The following GNPDA2 variants were observed in gnomAD, a reference collection of about 807,000 sequenced individuals.
GNPDA2 encodes the protein glucosamine-6-phosphate deaminase 2.
In GNPDA2, 24 loss-of-function variants were observed where a neutral mutation model predicts 27.0. The observed-to-expected ratio is 0.89, with a 90% CI of 0.64 to 1.25. GNPDA2 has a LOEUF of 1.25. Among genes scored for constraint, GNPDA2 ranks in the 50% most tolerant of loss-of-function variants. The probability of loss-of-function intolerance (pLI) is 0.00; values close to 1 mark genes in which losing one functional copy is unlikely to be tolerated. For missense variants in GNPDA2, 286 were observed against 335.1 expected, an observed-to-expected ratio of 0.85 and a Z score of 1.14; for synonymous variants, 94 against 108.4, an observed-to-expected ratio of 0.87 and a Z score of 0.83.
rs141623025 is a variant in GNPDA2, at chr4:44,713,126, G to A, written c.410-1989C>T. Among the ~76,000 whole-genome samples the A allele has an allele frequency of 2.0e-5, 3 of 152,296 alleles. No individual in the cohort carries two copies. In the East Asian group the frequency reaches 5.8e-4, roughly 29 times the overall value. ...GCTATTCTTTGGTCAGCTCGGTATA[G>A]TTTATTCCACCTCCCACCTTGTTCT... is the stretch of plus-strand genomic sequence containing the variant. On this transcript the variant is annotated intron_variant, in intron 4 of 6. Coordinates refer to ENST00000295448, the MANE Select transcript of GNPDA2 (RefSeq NM_138335.3).
In GNPDA2 at chr4:44,703,695, T is replaced by A. The variant is rs141262161; in HGVS notation, c.770-553A>T. 3,152 of 983,826 alleles carry A rather than the reference T, an allele frequency of 3.2e-3. 6 individuals carry two copies. The highest frequency in any genetic ancestry group is 3.6e-3 in the Non-Finnish European group (3,021 of 828,462). 60.9% of individuals were successfully genotyped at this position (983,826 alleles called of 1,614,324 possible). A position where few individuals can be genotyped will look rare whatever the true frequency, so the allele number is the denominator to read the frequency against. On this transcript the variant is annotated intron_variant, in intron 6 of 6. Coordinates refer to ENST00000295448, the MANE Select transcript of GNPDA2 (RefSeq NM_138335.3). Reference sequence around the variant, plus strand: ...ACAGAAAACAACCTGTATTAAATCATTTAATTCAGAATAGAAATTACGATT... The same window carrying A: ...ACAGAAAACAACCTGTATTAAATCAATTAATTCAGAATAGAAATTACGATT...
intron 1 of GNPDA2, among the ~76,000 whole-genome samples, chr4:44,724,444 A>T (rs939826009): frequency 6.6e-6 from 1 of 152,182 alleles, no homozygotes; most frequent in Non-Finnish European, 1.5e-5. Context: ...CAGTTCTTTG[A>T]GAAATCTTCA....
chr4:44,708,144 G>C (rs1259459721), intron 5 of GNPDA2, among the ~76,000 whole-genome samples: 1 of 151,958 alleles, frequency 6.6e-6, no homozygotes, highest in African/African-American at 2.4e-5. Flanking sequence ...TCTTGTTATG[G>C]GTTATTAATG....
rs75626054 is a variant in GNPDA2 at position 44,721,388 on chromosome 4, G to T, written c.124+696C>A. Among the ~76,000 whole-genome samples the T allele has an allele frequency of 5.3e-3, 803 of 152,164 alleles. 4 individuals are homozygous for T. The highest frequency in any genetic ancestry group is 8.6e-3 in the Non-Finnish European group (587 of 67,998). ...TAGGTAAGGAAACCAAGGCTCAGGG[G>T]TATAGAACAAATGCCTTGTAGTCAA... On this transcript the variant is annotated intron_variant, in intron 2 of 6. Transcript: ENST00000295448.
chr4:44,711,114 C>G lies in GNPDA2; in HGVS notation c.433G>C (p.Ala145Pro). The G allele has an allele frequency of 1.9e-6, 3 of 1,602,042 alleles. No individual in the cohort carries two copies. Among genetic ancestry groups the G allele is most frequent in the Non-Finnish European group, 2.6e-6 (3 of 1,175,272 alleles). Residue 145 changes from alanine (A) to proline (P), a missense_variant, in exon 5 of 7, where the codon GCT (alanine) becomes CCT (proline). Transcript: ENST00000295448. The part of the protein sequence containing the change: ...VGGIGPDGHI[A>P]FNEPGSSLVS... ...AAACTGGATCCAGGCTCATTGAAAGCGATATGACCATCTGGACCAATTCCT... is the reference window on the plus strand; with the variant it reads ...AAACTGGATCCAGGCTCATTGAAAGGGATATGACCATCTGGACCAATTCCT...
intron 1 of GNPDA2, among the ~76,000 whole-genome samples, chr4:44,724,198 C>T (rs1577598979): frequency 6.6e-6 from 1 of 151,974 alleles, no homozygotes; most frequent in East Asian, 1.9e-4. Flanking sequence ...AGGAAGTCAG[C>T]ACAAATTGGC....
chr4:44,717,365 C>A, intron 3 of GNPDA2, 70 bp from the exon 4 acceptor site: 1 of 826,646 alleles, frequency 1.2e-6, no homozygotes, highest in South Asian at 2.1e-5. Context: ...CTTTTTAAGT[C>A]ATAAGTGCTA....
intron 5 of GNPDA2, among the ~76,000 whole-genome samples, chr4:44,709,406 A>G (rs950185901): frequency 6.6e-6 from 1 of 152,164 alleles, no homozygotes; most frequent in Non-Finnish European, 1.5e-5. Context: ...TATTTCTCAT[A>G]TCATGGGAAA....
At chr4:44,707,629 A>G (rs1716690496) in intron 6 of GNPDA2, 123 bp downstream of exon 6, 4 of 684,050 alleles carry the variant, frequency 5.8e-6, no homozygotes, top group Non-Finnish European at 9.5e-6. Context: ...ACTTGAAAGA[A>G]CTAGCTATGT....
chr4:44,721,234 AAC>A (rs1464125701), intron 2 of GNPDA2, among the ~76,000 whole-genome samples: 1 of 152,214 alleles, frequency 6.6e-6, no homozygotes, highest in Non-Finnish European at 1.5e-5. Flanking sequence ...AGCTGGAGAA[AAC>A]AGTCTGTTTA....
intron 2 of GNPDA2, 141 bp downstream of exon 2, chr4:44,721,943 T>C: frequency 1.6e-6 from 1 of 607,624 alleles, no homozygotes; most frequent in Middle Eastern, 4.6e-4. Flanking sequence ...TATGCATTTT[T>C]CTGGCCTTTT....
chr4:44,703,533 G>T, intron 6 of GNPDA2: 1 of 995,556 alleles, frequency 1.0e-6, no homozygotes, highest in Non-Finnish European at 1.2e-6. Flanking sequence ...CCAGCCAGGG[G>T]CTCAGAACTG....
At chr4:44,723,109 A>G (rs1717780969) in intron 1 of GNPDA2, among the ~76,000 whole-genome samples, 1 of 152,226 alleles carries the variant, frequency 6.6e-6, no homozygotes, top group African/African-American at 2.4e-5. Context: ...TTATACGTAT[A>G]TTAAGAGATC....
Position 44,717,181 on chromosome 4 carries a change from A to T in GNPDA2, c.341T>A (p.Leu114Ter). ...AHILDGNAAD[L>*]QAECDAFENK... ...TTCAAAAGCATCACATTCTGCTTGT[A>T]AATCTGCAGCATTCCCGTCAAGGAT... Residue 114 changes from leucine to a stop codon, truncating the protein, a stop_gained, in exon 4 of 7, where the codon TTA becomes TAA. Coordinates refer to ENST00000295448, the MANE Select transcript of GNPDA2 (RefSeq NM_138335.3). LOFTEE classifies it high-confidence loss of function. The T allele has an allele frequency of 6.2e-7, 1 of 1,609,458 alleles. No homozygotes were observed. The highest frequency in any genetic ancestry group is 1.1e-5 in the South Asian group (1 of 89,924).
At chr4:44,706,225 T>G (rs1716594739) in intron 6 of GNPDA2, 1 of 151,736 alleles carries the variant, frequency 6.6e-6, no homozygotes, top group Non-Finnish European at 1.5e-5. Flanking sequence ...AATTTTTCAG[T>G]TTTTCAGTTT....
intron 3 of GNPDA2, 105 bp downstream of exon 3, chr4:44,718,204 T>C (rs1253122479): frequency 4.2e-6 from 2 of 477,580 alleles, no homozygotes; most frequent in Non-Finnish European, 7.5e-6. Flanking sequence ...ATTAATATTA[T>C]ATTCAAAACA....
At chr4:44,703,587 A>C in intron 6 of GNPDA2, 1 of 983,530 alleles carries the variant, frequency 1.0e-6, no homozygotes. Context: ...CGTCTGGTAA[A>C]TTACTTTCCA....
At chr4:44,708,888 C>T (rs1716787925) in intron 5 of GNPDA2, among the ~76,000 whole-genome samples, 1 of 152,046 alleles carries the variant, frequency 6.6e-6, no homozygotes. Context: ...CAAAACACCA[C>T]CATGAGAGAA....
rs1399346177 is a variant in GNPDA2 at position 44,726,544 on chromosome 4, C to G, written c.-106G>C. The stretch of plus-strand genomic sequence containing the variant: ...AACACCCAACCACCCGAGAGCGACC[C>G]CAGCTGACCAGTGGAGCGCGAATCC... On this transcript the variant is annotated 5_prime_UTR_variant, in exon 1 of 7. Transcript: ENST00000295448. 1 of 152,370 alleles carries G rather than the reference C, an allele frequency of 6.6e-6. No homozygotes were observed. The highest frequency in any genetic ancestry group is 1.9e-4 in the East Asian group (1 of 5,172). 9.4% of individuals were successfully genotyped at this position (152,370 alleles called of 1,614,324 possible).
Sources: gnomAD v4.1 joint callset for allele counts (sites outside exome capture counted in the v4.1 genomes callset) on GRCh38, gnomAD v4.1.1 for gene constraint, MANE v1.5 for transcripts, NCBI Gene and HGNC (gene_info 2026-07-23, HGNC 2026-07-21) for gene names.